The following KCNN4 variants were observed in gnomAD, a reference collection of about 807,000 sequenced individuals.
The protein encoded by KCNN4 is intermediate conductance calcium-activated potassium channel protein 4.
Under a neutral mutation model 45.2 loss-of-function variants are expected in KCNN4, and 31 were observed. The ratio of observed to expected loss-of-function variants is 0.69; its 90% CI spans 0.52 to 0.92. The LOEUF is 0.92. KCNN4 is among the 40% of genes least tolerant of loss of function. The probability of loss-of-function intolerance (pLI) is 0.00; values close to 1 mark genes in which losing one functional copy is unlikely to be tolerated. For missense variants in KCNN4, 463 were observed against 574.0 expected, an observed-to-expected ratio of 0.81 and a Z score of 1.98; for synonymous variants, 231 against 254.6, an observed-to-expected ratio of 0.91 and a Z score of 0.88.
At chr19:43,773,569 C>T (rs1050996159) in intron 3 of KCNN4, among the ~76,000 whole-genome samples, 1 of 152,164 alleles carries the variant, frequency 6.6e-6, no homozygotes, top group Non-Finnish European at 1.5e-5. Flanking sequence ...TGCAAGTTCC[C>T]AGGTGATGCT....
chr19:43,768,016 A>T (rs1345058645), intron 7 of KCNN4, among the ~76,000 whole-genome samples: 2 of 152,200 alleles, frequency 1.3e-5, no homozygotes, highest in Non-Finnish European at 2.9e-5. Context: ...TAAGACCTAG[A>T]ACATAGCAGG....
In KCNN4 at chr19:43,780,818, C is replaced by T. The variant is rs559217599; in HGVS notation, c.44G>A (p.Arg15Gln). Residue 15 changes from arginine to glutamine, a missense_variant, in exon 1 of 9, where the codon CGA becomes CAA. By Grantham distance (43) the Arg-to-Gln change is conservative. Coordinates refer to ENST00000648319, the MANE Select transcript of KCNN4 (RefSeq NM_002250.3). Reference protein sequence around the residue: ...LVLGLGALRRRKRLLEQEKSL... With the variant: ...LVLGLGALRRQKRLLEQEKSL... ...CTTCTCCTGCTCCAGCAAGCGCTTT[C>T]GGCGTCTCAAGGCCCCCAGGCCAAG... 42 of 1,614,020 alleles carry T rather than the reference C, an allele frequency of 2.6e-5. No individual in the cohort carries two copies. The highest frequency in any genetic ancestry group is 5.0e-5 in the Admixed American group (3 of 60,016).
rs897645683 is a variant in KCNN4 at position 43,769,659 on chromosome 19, C to T, written c.930+60G>A. 53 of 1,541,552 alleles carry T rather than the reference C, an allele frequency of 3.4e-5. No individual in the cohort carries two copies. In the Middle Eastern group the frequency reaches 5.1e-4, roughly 15 times the overall value. ...TCTTGGGTCCTAGGGGAAGCAGGGG[C>T]GCCTGGACTCCTGCTTCTTGGAAGA... On this transcript the variant is annotated intron_variant, in intron 5 of 8. Coordinates refer to ENST00000648319, the MANE Select transcript of KCNN4 (RefSeq NM_002250.3). The surrounding 1 kb of genome is among the most constrained non-coding windows in gnomAD (Gnocchi z 4.4).
Position 43,767,710 on chromosome 19 carries a change from G to A in KCNN4, c.1120-3C>T. 1 of 1,614,116 alleles carries A rather than the reference G, an allele frequency of 6.2e-7. No homozygotes were observed. Among genetic ancestry groups the A allele is most frequent in the Non-Finnish European group, 8.5e-7 (1 of 1,180,004 alleles). ...AGGTCATACAGGATCATGTGCATCT[G>A]GGTGGGAGGAGAGGATCAGAGGTGT... is the stretch of plus-strand genomic sequence containing the variant. On this transcript the variant is annotated splice_region_variant and splice_polypyrimidine_tract_variant and intron_variant, in intron 7 of 8. Transcript: ENST00000648319.
At chr19:43,771,967 T>G (rs1969655893) in intron 4 of KCNN4, 33 bp downstream of exon 4, 1 of 1,566,122 alleles carries the variant, frequency 6.4e-7, no homozygotes. Context: ...CAGTTTGGGA[T>G]AGGGATCATG....
intron 4 of KCNN4, among the ~76,000 whole-genome samples, chr19:43,770,180 C>G (rs1240699870): frequency 6.6e-6 from 1 of 152,048 alleles, no homozygotes; most frequent in Non-Finnish European, 1.5e-5. Context: ...CATCCTTCTC[C>G]CACTCCCACA....
chr19:43,780,630 A>AGG, intron 1 of KCNN4, 73 bp downstream of exon 1: 2 of 167,732 alleles, frequency 1.2e-5, no homozygotes, highest in South Asian at 6.7e-5. Flanking sequence ...CCTCAGACCC[A>AGG]AGAGTCCTGA....
At chr19:43,767,439 C>T in intron 8 of KCNN4, 101 bp downstream of exon 8, 2 of 1,423,256 alleles carry the variant, frequency 1.4e-6, no homozygotes. Flanking sequence ...AAAAGGCGGC[C>T]TTGTCTCCCA....
intron 1 of KCNN4, 169 bp from the exon 2 acceptor site, chr19:43,776,805 A>C: frequency 1.6e-6 from 1 of 607,520 alleles, no homozygotes; most frequent in Non-Finnish European, 3.0e-6. Context: ...AAGTCTCAAA[A>C]CCATCATCTG....
rs1969686412 is a variant in KCNN4 at position 43,773,000 on chromosome 19, G to C, written c.684-865C>G. Among the ~76,000 whole-genome samples the C allele has an allele frequency of 6.6e-6, 1 of 152,224 alleles. No homozygotes were observed. The highest frequency in any genetic ancestry group is 2.4e-5 in the African/African-American group (1 of 41,456). ...CCCAATTGTGAAAACTAAGATCCTG[G>C]AAGGTGAAGGAGTTTAAACTCATGA... On this transcript the variant is annotated intron_variant, in intron 3 of 8. Coordinates refer to ENST00000648319, the MANE Select transcript of KCNN4 (RefSeq NM_002250.3). The surrounding 1 kb of genome is among the most constrained non-coding windows in gnomAD (Gnocchi z 4.4).
chr19:43,769,204 A>C lies in KCNN4; in HGVS notation c.1050-172T>G. On this transcript the variant is annotated intron_variant, in intron 6 of 8. Coordinates refer to ENST00000648319, the MANE Select transcript of KCNN4 (RefSeq NM_002250.3). This position sits in a 1 kb window ranked among gnomAD's most constrained non-coding sequence, Gnocchi z 4.4. Reference sequence around the variant, plus strand: ...GCACCCTGCCTCCCCACGAGCCCCCATCCCCAGTAGAAACCCAGGTACCCA... The same window carrying C: ...GCACCCTGCCTCCCCACGAGCCCCCCTCCCCAGTAGAAACCCAGGTACCCA... 1.3e-6 allele frequency: 1 copy of C among 745,868 alleles called. No individual in the cohort carries two copies. Among genetic ancestry groups the C allele is most frequent in the Non-Finnish European group, 2.3e-6 (1 of 441,950 alleles). 46.2% of individuals were successfully genotyped at this position (745,868 alleles called of 1,614,324 possible).
chr19:43,773,762 C>T (rs1440096280), intron 3 of KCNN4, among the ~76,000 whole-genome samples: 4 of 152,168 alleles, frequency 2.6e-5, no homozygotes, highest in Admixed American at 2.6e-4. Flanking sequence ...TCATCCCCTT[C>T]CTAGGATCAC....
chr19:43,767,223 C>G (rs1008327462), intron 8 of KCNN4, 134 bp from the exon 9 acceptor site: 3 of 292,840 alleles, frequency 1.0e-5, no homozygotes, highest in Non-Finnish European at 2.0e-5. Context: ...GCCCCGAGGC[C>G]AGGGGGCAGG....
chr19:43,771,589 G>A (rs1443739605), intron 4 of KCNN4, among the ~76,000 whole-genome samples: 1 of 152,176 alleles, frequency 6.6e-6, no homozygotes, highest in African/African-American at 2.4e-5. Context: ...AAATGGGGCT[G>A]CGAAGTCAGG....
chr19:43,771,681 T>C (rs917012773), intron 4 of KCNN4, among the ~76,000 whole-genome samples: 6 of 152,114 alleles, frequency 3.9e-5, no homozygotes, highest in African/African-American at 1.2e-4. Flanking sequence ...TTCCTAGGTC[T>C]GATTTTTTAT....
Position 43,767,532 on chromosome 19 carries a change from C to T in KCNN4, c.*3+8G>A. 1 of 1,612,348 alleles carries T rather than the reference C, an allele frequency of 6.2e-7. No individual in the cohort carries two copies. Among genetic ancestry groups the T allele is most frequent in the Non-Finnish European group, 8.5e-7 (1 of 1,179,434 alleles). On this transcript the variant is annotated splice_region_variant and intron_variant, in intron 8 of 8. Coordinates refer to ENST00000648319, the MANE Select transcript of KCNN4 (RefSeq NM_002250.3). ...GATGCCTTCCTGCCCAAGTCCCAGCCCCCTCACCAGCTACTTGGACTGCTG... is the reference window on the plus strand; with the variant it reads ...GATGCCTTCCTGCCCAAGTCCCAGCTCCCTCACCAGCTACTTGGACTGCTG...
chr19:43,774,420 A>G lies in KCNN4; in HGVS notation c.455T>C (p.Leu152Pro), dbSNP rs750417623. 5 of 1,597,228 alleles carry G rather than the reference A, an allele frequency of 3.1e-6. No individual in the cohort carries two copies. The South Asian group carries it at 4.5e-5, about 14-fold the overall frequency. Reference sequence around the variant, plus strand: ...GAGACGCAGCAGCATGGCCAGGGACAGCAGCGCTTCCCCTTGGCCCAGGAA... The same window carrying G: ...GAGACGCAGCAGCATGGCCAGGGACGGCAGCGCTTCCCCTTGGCCCAGGAA... ...PGFLGQGEAL[L>P]SLAMLLRLYL... The change falls in exon 3 of 9, where the codon CTG becomes CCG. Residue 152 changes from leucine (L) to proline (P), a missense_variant. By Grantham distance (98) the Leu-to-Pro change is moderately conservative. Around this residue, in one of 3 missense-constraint regions of KCNN4, gnomAD observed 225 missense variants for 240.9 expected, o/e 0.93. Coordinates refer to ENST00000648319, the MANE Select transcript of KCNN4 (RefSeq NM_002250.3). The surrounding 1 kb of genome is among the most constrained non-coding windows in gnomAD (Gnocchi z 5.6).
Position 43,772,383 on chromosome 19 carries a change from T to C in KCNN4, c.684-248A>G, listed in dbSNP as rs183486624. ...GCTTAGCCACTCTGGGATTTGAGAC[T>C]GGGTCTGGCCAATCCCAATGCCGGT... On this transcript the variant is annotated intron_variant, in intron 3 of 8. Coordinates refer to ENST00000648319, the MANE Select transcript of KCNN4 (RefSeq NM_002250.3). This position sits in a 1 kb window ranked among gnomAD's most constrained non-coding sequence, Gnocchi z 4.4. Among the ~76,000 whole-genome samples, 1 of 152,306 alleles carries C rather than the reference T, an allele frequency of 6.6e-6. No individual in the cohort carries two copies. The highest frequency in any genetic ancestry group is 6.5e-5 in the Admixed American group (1 of 15,298).
At position 43,766,935 on chromosome 19, in the gene KCNN4, C is replaced by A. The variant is rs1438789016; in HGVS notation, c.*158G>T. On this transcript the variant is annotated 3_prime_UTR_variant, in exon 9 of 9. Coordinates refer to ENST00000648319, the MANE Select transcript of KCNN4 (RefSeq NM_002250.3). ...GCCTACCCACTTTAGCCAGCGTCCC[C>A]TCCAGCAGCCATCAGCAAGCCAACC... 1.3e-5 allele frequency: 2 copies of A among 155,578 alleles called. No individual in the cohort carries two copies. Among genetic ancestry groups the A allele is most frequent in the African/African-American group, 2.4e-5 (1 of 41,472 alleles). The allele number at this position is 155,578 out of a possible 1,614,324, so 9.6% of individuals were successfully genotyped here. A position where few individuals can be genotyped will look rare whatever the true frequency, so the allele number is the denominator to read the frequency against.
Sources: allele counts gnomAD v4.1 joint callset (sites outside exome capture counted in the v4.1 genomes callset), GRCh38; gene constraint gnomAD v4.1.1; regional missense constraint gnomAD v4.1.1; non-coding constraint Gnocchi (gnomAD v3.1); transcripts MANE v1.5; gene names NCBI Gene and HGNC (gene_info 2026-07-23, HGNC 2026-07-21).